Variants in PPM1B observed in about 807,000 individuals in gnomAD.
The protein encoded by PPM1B is protein phosphatase, Mg2+/Mn2+ dependent 1B.
PPM1B carries 22 observed loss-of-function variants against 43.0 expected under a neutral mutation model. The ratio of observed to expected loss-of-function variants is 0.51; its 90% CI spans 0.37 to 0.73. The LOEUF (loss-of-function observed/expected upper bound fraction) is 0.73. Ranked by LOEUF, PPM1B falls within the 30% of genes least tolerant of loss-of-function variation. PPM1B has a pLI of 0.00. For missense variants in PPM1B, 632 were observed against 584.2 expected, an observed-to-expected ratio of 1.08 and a Z score of -0.84; for synonymous variants, 217 against 197.9, an observed-to-expected ratio of 1.10 and a Z score of -0.81.
At chr2:44,189,095 C>T (rs917629110) in intron 1 of PPM1B, among the ~76,000 whole-genome samples, 3 of 152,036 alleles carry the variant, frequency 2.0e-5, no homozygotes, top group Non-Finnish European at 2.9e-5. Context: ...TGGTCTTGAA[C>T]TCCTGGGCTC....
At chr2:44,174,455 G>A (rs540393793) in intron 1 of PPM1B, among the ~76,000 whole-genome samples, 17 of 152,296 alleles carry the variant, frequency 1.1e-4, no homozygotes, top group South Asian at 2.1e-4. Flanking sequence ...TATTGTCTAC[G>A]TAGAATGGCC....
At chr2:44,174,006 C>T (rs1011360485) in intron 1 of PPM1B, among the ~76,000 whole-genome samples, 3 of 152,124 alleles carry the variant, frequency 2.0e-5, no homozygotes, top group African/African-American at 7.2e-5. Context: ...GTAGCTTAAT[C>T]AATTGTAGTA....
chr2:44,232,275 C>G, downstream of PPM1B: 1 of 1,590,148 alleles, frequency 6.3e-7, no homozygotes, highest in Non-Finnish European at 8.5e-7. Context: ...CTGGAAGTGG[C>G]ATAGGTAAAT....
intron 1 of PPM1B, among the ~76,000 whole-genome samples, chr2:44,200,231 C>A (rs1246582148): frequency 1.3e-5 from 2 of 152,134 alleles, no homozygotes; most frequent in African/African-American, 4.8e-5. Flanking sequence ...AAGAAATTTG[C>A]CCAAGGTCAC....
chr2:44,186,633 C>A (rs1668135594), intron 1 of PPM1B, among the ~76,000 whole-genome samples: 1 of 152,218 alleles, frequency 6.6e-6, no homozygotes, highest in Non-Finnish European at 1.5e-5. Context: ...CCTGAGCCTC[C>A]CAAACTGCTG....
At chr2:44,225,307 A>C (rs537030343) in intron 5 of PPM1B, among the ~76,000 whole-genome samples, 3 of 152,218 alleles carry the variant, frequency 2.0e-5, no homozygotes, top group Non-Finnish European at 4.4e-5. Flanking sequence ...AGGTAGAGTT[A>C]ATTGCTATAA....
At chr2:44,210,771 A>G (rs1669425207) in intron 3 of PPM1B, among the ~76,000 whole-genome samples, 1 of 152,154 alleles carries the variant, frequency 6.6e-6, no homozygotes, top group South Asian at 2.1e-4. Flanking sequence ...TGAAAGTTGC[A>G]AATATGATAT....
downstream of PPM1B, among the ~76,000 whole-genome samples, chr2:44,236,750 A>C (rs1038505371): frequency 4.6e-5 from 7 of 152,176 alleles, no homozygotes; most frequent in African/African-American, 1.7e-4. Flanking sequence ...TTTGCTGACC[A>C]AATATTATTC....
chr2:44,209,165 A>G (rs973697889), intron 2 of PPM1B, 45 bp from the exon 3 acceptor site: 8 of 1,459,846 alleles, frequency 5.5e-6, no homozygotes, highest in Non-Finnish European at 7.4e-6. Flanking sequence ...ATAATAGTTG[A>G]TTGTAGAAAT....
chr2:44,245,681 C>T (rs1305309228), downstream of PPM1B, among the ~76,000 whole-genome samples: 1 of 152,200 alleles, frequency 6.6e-6, no homozygotes, highest in Non-Finnish European at 1.5e-5. Flanking sequence ...TCCTGCTTCA[C>T]TTAGATCAGA....
Position 44,169,282 on chromosome 2 carries a change from C to G in PPM1B, c.-15+8C>G, listed in dbSNP as rs956014804. 6.6e-6 allele frequency: 1 copy of G among 152,546 alleles called. No individual in the cohort carries two copies. The highest frequency in any genetic ancestry group is 1.5e-5 in the Non-Finnish European group (1 of 68,154). 9.4% of individuals were successfully genotyped at this position (152,546 alleles called of 1,614,324 possible). A position where few individuals can be genotyped will look rare whatever the true frequency, so the allele number is the denominator to read the frequency against. ...CTCCCTCCCTTGCCTCAGGTAAGGC[C>G]GCCCGGCACCCCGCCGGAGGGGAAG... is the stretch of plus-strand genomic sequence containing the variant. On this transcript the variant is annotated splice_region_variant and intron_variant, in intron 1 of 5. Transcript: ENST00000282412.
rs1482212657 is a variant in PPM1B, at chr2:44,208,607, G to A, written c.847-603G>A. Among the ~76,000 whole-genome samples the A allele has an allele frequency of 2.6e-5, 4 of 152,172 alleles. No homozygotes were observed. The East Asian group carries it at 7.7e-4, about 29-fold the overall frequency. On this transcript the variant is annotated intron_variant, in intron 2 of 5. Transcript: ENST00000282412. ...CGTCACCTGTAATGCCAGCTACTCA[G>A]GAGGCTGAGGCAGGAGAATTGCTTG...
chr2:44,242,153 T>C (rs1337943820), intron 5 of PPM1B, among the ~76,000 whole-genome samples: 3 of 152,124 alleles, frequency 2.0e-5, no homozygotes, highest in African/African-American at 7.2e-5. Flanking sequence ...CCACCACGCC[T>C]GGCCAGAAAA....
exon 6 of PPM1B, chr2:44,244,325 G>C: frequency 2.9e-6 from 4 of 1,360,838 alleles, no homozygotes; most frequent in South Asian, 2.3e-5. Context: ...AGAAGCACGC[G>C]GACAAAAAGG....
chr2:44,220,377 A>G (rs1373284656), intron 5 of PPM1B, among the ~76,000 whole-genome samples: 1 of 152,150 alleles, frequency 6.6e-6, no homozygotes, highest in Non-Finnish European at 1.5e-5. Context: ...AATTTTTTAA[A>G]AAGAAAAAAT....
intron 1 of PPM1B, among the ~76,000 whole-genome samples, chr2:44,175,647 AAACTT>A (rs1475471062): frequency 2.6e-5 from 4 of 152,344 alleles, no homozygotes; most frequent in South Asian, 2.1e-4. Flanking sequence ...TTTGTACACT[AAACTT>A]AAAAGCTGTG....
intron 1 of PPM1B, among the ~76,000 whole-genome samples, chr2:44,192,919 C>T (rs1279986377): frequency 1.3e-5 from 2 of 152,132 alleles, no homozygotes; most frequent in Non-Finnish European, 2.9e-5. Flanking sequence ...TAAGGCTGAA[C>T]AGTATTCCAT....
intron 3 of PPM1B, among the ~76,000 whole-genome samples, chr2:44,217,036 C>T (rs1015470757): frequency 4.6e-5 from 7 of 151,638 alleles, no homozygotes; most frequent in Admixed American, 2.6e-4. Context: ...ATGAGGGAGG[C>T]GGGCAGAGTT....
downstream of PPM1B, among the ~76,000 whole-genome samples, chr2:44,239,299 C>T (rs1670696360): frequency 6.6e-6 from 1 of 151,492 alleles, no homozygotes; most frequent in Non-Finnish European, 1.5e-5. Flanking sequence ...TGAGTTTCCT[C>T]TTTTCTGAAT....
Sources: gnomAD v4.1 joint callset for allele counts (sites outside exome capture counted in the v4.1 genomes callset) on GRCh38, gnomAD v4.1.1 for gene constraint, MANE v1.5 for transcripts, NCBI Gene and HGNC (gene_info 2026-07-23, HGNC 2026-07-21) for gene names.